TAFA5: variants seen among roughly 807,000 people sequenced by gnomAD.
TAFA5 encodes the protein TAFA chemokine like family member 5, also known as chemokine-like protein TAFA-5.
In TAFA5, 6 loss-of-function variants were observed where a neutral mutation model predicts 15.3. The observed-to-expected ratio is 0.39, with a 90% CI of 0.21 to 0.77. The LOEUF (loss-of-function observed/expected upper bound fraction) is 0.77, where lower values mean the gene tolerates loss of function less well. Among genes scored for constraint, TAFA5 ranks in the 30% least tolerant of loss-of-function variants. The probability of loss-of-function intolerance (pLI) is 0.41; values close to 1 mark genes in which losing one functional copy is unlikely to be tolerated. For synonymous variants in TAFA5, 103 were observed against 80.7 expected (o/e 1.28, Z -1.48); for missense variants, 161 against 193.1 (o/e 0.83, Z 0.98).
chr22:48,732,772 C>CA (rs1929905039), intron 3 of TAFA5, among the ~76,000 whole-genome samples: 1 of 152,162 alleles, frequency 6.6e-6, no homozygotes, highest in Non-Finnish European at 1.5e-5. Flanking sequence ...AAAGGAGAGT[C>CA]AATCGATACA....
At chr22:48,629,331 C>T (rs1926132298) in intron 1 of TAFA5, among the ~76,000 whole-genome samples, 2 of 152,138 alleles carry the variant, frequency 1.3e-5, no homozygotes, top group African/African-American at 2.4e-5. Context: ...AACAACCCAG[C>T]GGCCCCTCCT....
chr22:48,644,609 G>A lies in TAFA5; in HGVS notation c.113-1988G>A, dbSNP rs187237817. Among the ~76,000 whole-genome samples the A allele has an allele frequency of 5.9e-5, 9 of 152,342 alleles. No homozygotes were observed. In the South Asian group the frequency reaches 1.9e-3, roughly 32 times the overall value. On this transcript the variant is annotated intron_variant, in intron 1 of 3. Transcript: ENST00000402357. ...CGGCCTCTCCAAGTTCCTCCAAGCC[G>A]CACCCTGCCAGCACATGTGATGTCT...
rs1357102826 is a variant in TAFA5, at chr22:48,693,290, C to T, written c.263-14427C>T. 1.3e-5 allele frequency: 21 copies of T among 1,599,160 alleles called. 1 individual carries two copies. The highest frequency in any genetic ancestry group is 2.3e-5 in the East Asian group (1 of 44,262). ...CCTTTTCATCCCATAATTCTGCTCC[C>T]AGAAATTTGCCCTAAGAGAGTAATT... On this transcript the variant is annotated intron_variant, in intron 2 of 3. Transcript: ENST00000402357.
chr22:48,590,285 A>G (rs1003020547), intron 1 of TAFA5, among the ~76,000 whole-genome samples: 1 of 152,178 alleles, frequency 6.6e-6, no homozygotes, highest in Non-Finnish European at 1.5e-5. Context: ...CTCCTTCCAT[A>G]AATCCAGCAT....
chr22:48,664,122 G>A (rs1294087225), intron 2 of TAFA5, among the ~76,000 whole-genome samples: 2 of 152,220 alleles, frequency 1.3e-5, no homozygotes, highest in Non-Finnish European at 2.9e-5. Context: ...GCATAGTTAA[G>A]ATGGAAAAGG....
chr22:48,637,330 A>G (rs973595787), intron 1 of TAFA5, among the ~76,000 whole-genome samples: 4 of 147,276 alleles, frequency 2.7e-5, no homozygotes, highest in Non-Finnish European at 6.0e-5. Flanking sequence ...ACACATGTGC[A>G]CACATGTGCC....
At chr22:48,495,554 C>T (rs1372236901) in intron 1 of TAFA5, among the ~76,000 whole-genome samples, 1 of 152,100 alleles carries the variant, frequency 6.6e-6, no homozygotes, top group Non-Finnish European at 1.5e-5. Context: ...TGGGGAGGCT[C>T]CTCCATCCTT....
At chr22:48,619,886 C>T (rs1019045505) in intron 1 of TAFA5, among the ~76,000 whole-genome samples, 11 of 152,238 alleles carry the variant, frequency 7.2e-5, no homozygotes, top group South Asian at 2.1e-4. Context: ...TTCTGCTCCC[C>T]GAGCTTCCTG....
chr22:48,499,048 G>T (rs1300651125), intron 1 of TAFA5, among the ~76,000 whole-genome samples: 2 of 152,182 alleles, frequency 1.3e-5, no homozygotes, highest in African/African-American at 2.4e-5. Context: ...GCTCCTGCAG[G>T]CTCAGTGCAG....
chr22:48,600,517 TGTGCCC>T (rs1924927867), intron 1 of TAFA5, among the ~76,000 whole-genome samples: 1 of 152,296 alleles, frequency 6.6e-6, no homozygotes, highest in African/African-American at 2.4e-5. Context: ...GGCACAGATG[TGTGCCC>T]GTGCCCATGC....
At chr22:48,624,903 C>T (rs184281252) in intron 1 of TAFA5, among the ~76,000 whole-genome samples, 16 of 152,172 alleles carry the variant, frequency 1.1e-4, no homozygotes, top group African/African-American at 3.4e-4. Flanking sequence ...AGTTCAAGAC[C>T]GGCCTGGCCA....
At chr22:48,697,347 T>C (rs1016230120) in intron 2 of TAFA5, among the ~76,000 whole-genome samples, 2 of 142,512 alleles carry the variant, frequency 1.4e-5, no homozygotes, top group African/African-American at 5.1e-5. Context: ...GTGGTGATGA[T>C]GATGATGATG....
chr22:48,734,216 G>A (rs1393316438), intron 3 of TAFA5, among the ~76,000 whole-genome samples: 2 of 152,048 alleles, frequency 1.3e-5, no homozygotes, highest in Non-Finnish European at 2.9e-5. Flanking sequence ...TGGCACCTGT[G>A]TAAAATGTAA....
rs772611234 is a variant in TAFA5, at chr22:48,646,728, C to T, written c.244C>T (p.Arg82Trp). 2.1e-5 allele frequency: 33 copies of T among 1,582,858 alleles called. No individual in the cohort carries two copies. The highest frequency in any genetic ancestry group is 2.6e-5 in the Non-Finnish European group (30 of 1,168,222). The change falls in exon 2 of 4, where the codon CGG becomes TGG. Residue 82 changes from arginine to tryptophan, a missense_variant. Transcript: ENST00000402357. ...GCAGATCGCCGGCACCACGAGAGCC[C>T]GGCCCGCCTGTGTGGACGGTAAGCA... ...KGQIAGTTRARPACVDARIIK... is the reference protein window; with the variant it reads ...KGQIAGTTRAWPACVDARIIK...
At chr22:48,645,437 G>A (rs143617003) in intron 1 of TAFA5, among the ~76,000 whole-genome samples, 17 of 152,294 alleles carry the variant, frequency 1.1e-4, no homozygotes, top group South Asian at 2.1e-4. Flanking sequence ...GGGCTGTCGG[G>A]CCCTTGCAGA....
intron 1 of TAFA5, among the ~76,000 whole-genome samples, chr22:48,510,258 C>T (rs1479218254): frequency 6.6e-6 from 1 of 152,156 alleles, no homozygotes. Context: ...GAAGAAGACA[C>T]CTGTGGAATG....
intron 1 of TAFA5, chr22:48,544,830 C>T: frequency 2.1e-6 from 1 of 471,264 alleles, no homozygotes. Flanking sequence ...CCTGGGGTCC[C>T]ACGCTGCCTC....
intron 3 of TAFA5, among the ~76,000 whole-genome samples, chr22:48,748,312 C>T (rs1029836890): frequency 6.6e-6 from 1 of 152,240 alleles, no homozygotes; most frequent in Non-Finnish European, 1.5e-5. Flanking sequence ...GGACACAGGC[C>T]TTGGCCTTGG....
chr22:48,557,276 T>A (rs1277767248), intron 1 of TAFA5, among the ~76,000 whole-genome samples: 8 of 152,108 alleles, frequency 5.3e-5, no homozygotes, highest in Non-Finnish European at 4.4e-5. Context: ...ATAACTGGTG[T>A]CCTTATAGCG....
Sources: allele counts gnomAD v4.1 joint callset (sites outside exome capture counted in the v4.1 genomes callset), GRCh38; gene constraint gnomAD v4.1.1; transcripts MANE v1.5; gene names NCBI Gene and HGNC (gene_info 2026-07-23, HGNC 2026-07-21).